Variants in CALN1 observed in about 807,000 individuals in gnomAD.
CALN1 encodes the protein calneuron 1, also known as calcium-binding protein 8.
A neutral mutation model predicts 30.6 loss-of-function variants in CALN1; 17 were observed. The ratio of observed to expected loss-of-function variants is 0.56; its 90% CI spans 0.38 to 0.83. CALN1 has a LOEUF of 0.83. CALN1 is among the 40% of genes least tolerant of loss of function. CALN1 has a pLI of 0.00. For synonymous variants in CALN1, 156 were observed against 131.4 expected, an observed-to-expected ratio of 1.19 and a Z score of -1.28; for missense variants, 291 against 354.9, an observed-to-expected ratio of 0.82 and a Z score of 1.45.
At chr7:72,342,288 A>G (rs986219738) in intron 2 of CALN1, among the ~76,000 whole-genome samples, 15 of 151,930 alleles carry the variant, frequency 9.9e-5, no homozygotes, top group African/African-American at 3.6e-4. Context: ...CAGAAACACA[A>G]AGAACTAGAG....
chr7:71,856,037 A>T (rs1584380661), intron 5 of CALN1, among the ~76,000 whole-genome samples: 1 of 152,116 alleles, frequency 6.6e-6, no homozygotes, highest in African/African-American at 2.4e-5. Flanking sequence ...TATTTTGTAT[A>T]TGTAGATATG....
At chr7:72,193,611 T>C (rs1460528728) in intron 3 of CALN1, among the ~76,000 whole-genome samples, 1 of 152,172 alleles carries the variant, frequency 6.6e-6, no homozygotes, top group Non-Finnish European at 1.5e-5. Context: ...ATGTTATTGC[T>C]CCTAGGTTAC....
the CALN1 span, among the ~76,000 whole-genome samples, chr7:72,485,796 G>A: frequency 1.2e-4 from 19 of 152,170 alleles, no homozygotes; most frequent in African/African-American, 3.9e-4. Context: ...ACTTGAACCC[G>A]GGAGGTGGAG....
At chr7:71,852,688 A>C (rs1171799492) in intron 5 of CALN1, among the ~76,000 whole-genome samples, 1 of 152,174 alleles carries the variant, frequency 6.6e-6, no homozygotes, top group Non-Finnish European at 1.5e-5. Context: ...ATGTCTGAGA[A>C]TCTCATTTAC....
chr7:71,910,547 G>T (rs955708388), intron 5 of CALN1, among the ~76,000 whole-genome samples: 11 of 152,112 alleles, frequency 7.2e-5, no homozygotes, highest in Non-Finnish European at 1.3e-4. Flanking sequence ...TCTCTCCAGG[G>T]TATCAAATCC....
chr7:71,971,524 A>C (rs1428225491), intron 5 of CALN1, among the ~76,000 whole-genome samples: 2 of 152,122 alleles, frequency 1.3e-5, no homozygotes, highest in African/African-American at 2.4e-5. Context: ...GTATGAAACT[A>C]AGTATTCTAT....
chr7:72,365,986 T>C (rs1330271793), intron 2 of CALN1, among the ~76,000 whole-genome samples: 3 of 152,112 alleles, frequency 2.0e-5, no homozygotes, highest in Non-Finnish European at 4.4e-5. Context: ...CAATTCTAAG[T>C]ATTTATCCTA....
intron 2 of CALN1, among the ~76,000 whole-genome samples, chr7:72,318,703 G>GTTT: frequency 9.6e-6 from 1 of 104,154 alleles, no homozygotes; most frequent in Non-Finnish European, 1.8e-5. Flanking sequence ...ACCATGTGTA[G>GTTT]CTTTTTTTTT....
intron 3 of CALN1, among the ~76,000 whole-genome samples, chr7:72,169,503 T>TTG (rs1788785870): frequency 6.6e-6 from 1 of 150,620 alleles, no homozygotes; most frequent in African/African-American, 2.4e-5. Context: ...TTTTTTTTTT[T>TTG]TCAGATACAG....
intron 5 of CALN1, among the ~76,000 whole-genome samples, chr7:71,812,210 T>G (rs529178877): frequency 6.6e-6 from 1 of 152,342 alleles, no homozygotes; most frequent in Admixed American, 6.5e-5. Flanking sequence ...GAATACCCTG[T>G]GTTGTTATGA....
In CALN1 at chr7:72,189,668, T is replaced by A. The variant is rs1038203806; in HGVS notation, c.245-83374A>T. ...CTATAATCCCAGCTACTCCGGAGGC[T>A]GAGGCAGGAGAATCACTTGAATCCA... On this transcript the variant is annotated intron_variant, in intron 3 of 6. Transcript: ENST00000395275. Among the ~76,000 whole-genome samples, 4 of 150,576 alleles carry A rather than the reference T, an allele frequency of 2.7e-5. No individual in the cohort carries two copies. In the Admixed American group the frequency reaches 2.7e-4, roughly 10 times the overall value.
chr7:72,053,214 A>C (rs1445481584), intron 4 of CALN1, among the ~76,000 whole-genome samples: 2 of 152,232 alleles, frequency 1.3e-5, no homozygotes, highest in Admixed American at 1.3e-4. Context: ...TGGGTGACAG[A>C]GCGAGACTCT....
At chr7:71,903,109 T>C (rs1584480255) in intron 5 of CALN1, among the ~76,000 whole-genome samples, 1 of 151,946 alleles carries the variant, frequency 6.6e-6, no homozygotes. Flanking sequence ...TCTCTTCAGA[T>C]TGCTACATTA....
chr7:71,841,616 G>A (rs954850121), intron 5 of CALN1, among the ~76,000 whole-genome samples: 1 of 152,196 alleles, frequency 6.6e-6, no homozygotes, highest in Admixed American at 6.5e-5. Flanking sequence ...TGCCCTAGAT[G>A]GTGGACTGGA....
At chr7:72,269,154 G>A (rs541320986) in intron 3 of CALN1, among the ~76,000 whole-genome samples, 1 of 152,088 alleles carries the variant, frequency 6.6e-6, no homozygotes, top group African/African-American at 2.4e-5. Context: ...CCCATGTGTG[G>A]GTTCCCCATG....
chr7:72,185,246 T>G (rs573994638), intron 3 of CALN1, among the ~76,000 whole-genome samples: 104 of 151,860 alleles, frequency 6.8e-4, no homozygotes, highest in Non-Finnish European at 1.4e-3. Context: ...GGGAAAGAGA[T>G]CCAATCTCTT....
At chr7:72,048,378 G>C (rs978584575) in intron 4 of CALN1, among the ~76,000 whole-genome samples, 15 of 151,930 alleles carry the variant, frequency 9.9e-5, no homozygotes, top group African/African-American at 3.1e-4. Flanking sequence ...TTGTTTTTTG[G>C]GTATGCATTA....
At chr7:72,233,048 G>A (rs1232509) in intron 3 of CALN1, among the ~76,000 whole-genome samples, 2,004 of 152,112 alleles carry the variant, frequency 0.013, 42 homozygotes, top group African/African-American at 0.046. Context: ...TATTGCACCT[G>A]TTTAAAAGCT....
chr7:71,964,438 G>A (rs1233166285), intron 5 of CALN1, among the ~76,000 whole-genome samples: 1 of 152,188 alleles, frequency 6.6e-6, no homozygotes, highest in Non-Finnish European at 1.5e-5. Flanking sequence ...CTTATCGCAA[G>A]GACAGAGGGC....
Sources: allele counts gnomAD v4.1 joint callset (sites outside exome capture counted in the v4.1 genomes callset), GRCh38; gene constraint gnomAD v4.1.1; transcripts MANE v1.5; gene names NCBI Gene and HGNC (gene_info 2026-07-23, HGNC 2026-07-21).